The following ROBO2 variants were observed in gnomAD, a reference collection of about 807,000 sequenced individuals.
ROBO2 encodes roundabout homolog 2.
In ROBO2, 53 loss-of-function variants were observed where a neutral mutation model predicts 160.8. The ratio of observed to expected loss-of-function variants is 0.33; its 90% CI spans 0.26 to 0.41. The LOEUF (loss-of-function observed/expected upper bound fraction) is 0.41, where lower values mean the gene tolerates loss of function less well. Ranked by LOEUF, ROBO2 falls within the 10% of genes least tolerant of loss-of-function variation. ROBO2 has a pLI of 1.00. For synonymous variants in ROBO2, 664 were observed against 611.7 expected (o/e 1.09, Z -1.26); for missense variants, 1,577 against 1,722.4 (o/e 0.92, Z 1.49).
chr3:76,607,297 G>A (rs1246567598), intron 2 of ROBO2, among the ~76,000 whole-genome samples: 1 of 152,036 alleles, frequency 6.6e-6, no homozygotes, highest in East Asian at 1.9e-4. Context: ...CTGAGTATCT[G>A]GGGCTACAGG....
chr3:77,646,420 T>C (rs1245931780), exon 26 of ROBO2: 1 of 194,426 alleles, frequency 5.1e-6, no homozygotes, highest in East Asian at 1.2e-4. Flanking sequence ...TGTTGTACTA[T>C]ATGTGAATTA....
chr3:77,114,087 AGACCACGTTCT>A (rs2073961219), intron 2 of ROBO2, among the ~76,000 whole-genome samples: 1 of 152,166 alleles, frequency 6.6e-6, no homozygotes, highest in Admixed American at 6.5e-5. Context: ...GGAGTTTAAG[AGACCACGTTCT>A]GACCATTTTC....
Position 77,595,008 on chromosome 3 carries a change from T to C in ROBO2, c.2684-134T>C, listed in dbSNP as rs113122221. On this transcript the variant is annotated intron_variant, in intron 17 of 25. Coordinates refer to ENST00000461745, the Ensembl canonical transcript of ROBO2. Reference sequence around the variant, plus strand: ...CCACTGCTTGTTACTCTCTGTACAATGATGTTAATTATATTTTGTTAAAAT... The same window carrying C: ...CCACTGCTTGTTACTCTCTGTACAACGATGTTAATTATATTTTGTTAAAAT... The C allele has an allele frequency of 6.8e-3, 4,712 of 691,178 alleles. 190 individuals carry two copies. The African/African-American group carries it at 0.075, about 11-fold the overall frequency. 42.8% of individuals were successfully genotyped at this position (691,178 alleles called of 1,614,324 possible).
intron 2 of ROBO2, among the ~76,000 whole-genome samples, chr3:76,640,539 T>TAATA (rs56257359): frequency 0.16 from 22,981 of 144,332 alleles, 1,997 homozygotes; most frequent in Non-Finnish European, 0.17. Context: ...GTCTCAAAAA[T>TAATA]AATAAATAAA....
At chr3:76,375,876 A>C (rs963816617) in intron 2 of ROBO2, among the ~76,000 whole-genome samples, 1 of 152,082 alleles carries the variant, frequency 6.6e-6, no homozygotes, top group Non-Finnish European at 1.5e-5. Flanking sequence ...TTATTGATTC[A>C]TGTGCAAACA....
chr3:77,510,950 A>G (rs528697533), intron 5 of ROBO2, among the ~76,000 whole-genome samples: 1 of 152,154 alleles, frequency 6.6e-6, no homozygotes, highest in East Asian at 1.9e-4. Context: ...TAAGGCATGA[A>G]GAAGAAATAT....
chr3:76,378,615 C>T (rs892298966), intron 2 of ROBO2, among the ~76,000 whole-genome samples: 4 of 152,124 alleles, frequency 2.6e-5, no homozygotes, highest in Non-Finnish European at 4.4e-5. Context: ...TGCAGAGTAG[C>T]AAGTTTAGTA....
chr3:76,800,158 G>C (rs570702119), intron 2 of ROBO2, among the ~76,000 whole-genome samples: 1 of 152,286 alleles, frequency 6.6e-6, no homozygotes, highest in Admixed American at 6.5e-5. Context: ...TGGAAAAACT[G>C]GATATCCACA....
intron 2 of ROBO2, among the ~76,000 whole-genome samples, chr3:76,058,963 T>C (rs2067965094): frequency 6.6e-6 from 1 of 151,444 alleles, no homozygotes; most frequent in African/African-American, 2.4e-5. Context: ...CCCATGTCCC[T>C]ACAAAGGACA....
intron 2 of ROBO2, among the ~76,000 whole-genome samples, chr3:76,772,109 TG>T (rs1168780253): frequency 6.6e-6 from 1 of 151,318 alleles, no homozygotes; most frequent in Non-Finnish European, 1.5e-5. Context: ...GTTGAGGGTT[TG>T]GGACAGCAAA....
At chr3:76,093,481 G>A (rs1176774632) in intron 2 of ROBO2, among the ~76,000 whole-genome samples, 1 of 33,172 alleles carries the variant, frequency 3.0e-5, no homozygotes, top group Non-Finnish European at 5.3e-5. Context: ...TATATTATGT[G>A]TAAGATATTA....
chr3:76,170,442 T>TGG (rs2073000486), intron 2 of ROBO2, among the ~76,000 whole-genome samples: 6 of 152,202 alleles, frequency 3.9e-5, no homozygotes, highest in African/African-American at 1.4e-4. Context: ...CAAAACATAC[T>TGG]GTTGACAAGG....
chr3:76,989,663 C>T (rs570691532), intron 2 of ROBO2, among the ~76,000 whole-genome samples: 39 of 152,092 alleles, frequency 2.6e-4, no homozygotes, highest in Non-Finnish European at 4.3e-4. Context: ...AAGGTTTTCT[C>T]CTATGTGCTC....
In ROBO2 at chr3:77,453,617, T is replaced by C. The variant is rs1416829938; in HGVS notation, c.389-23797T>C. On this transcript the variant is annotated intron_variant, in intron 2 of 25. Coordinates refer to ENST00000461745, the Ensembl canonical transcript of ROBO2. ...AGCTATAATAAATCCTCTGTTAGAA[T>C]CTGTTTGATAGGAAAAAAGTATGTA... 2.0e-5 allele frequency among the ~76,000 whole-genome samples: 3 copies of C among 152,132 alleles called. No homozygotes were observed. The East Asian group carries it at 5.8e-4, about 29-fold the overall frequency.
chr3:76,070,421 A>G (rs1486225261), intron 2 of ROBO2, among the ~76,000 whole-genome samples: 1 of 152,130 alleles, frequency 6.6e-6, no homozygotes, highest in African/African-American at 2.4e-5. Context: ...CTTATTAGGA[A>G]GAGGAAATTC....
At chr3:76,381,818 C>T (rs567777405) in intron 2 of ROBO2, among the ~76,000 whole-genome samples, 3 of 152,154 alleles carry the variant, frequency 2.0e-5, no homozygotes, top group South Asian at 4.1e-4. Context: ...TTAAGTATTG[C>T]GCCTTATGTG....
chr3:77,258,216 C>G (rs546004780), intron 2 of ROBO2, among the ~76,000 whole-genome samples: 1 of 152,082 alleles, frequency 6.6e-6, no homozygotes, highest in African/African-American at 2.4e-5. Context: ...GTATAAAGTT[C>G]GAGTGAAAGT....
intron 2 of ROBO2, among the ~76,000 whole-genome samples, chr3:76,096,682 T>G (rs976672393): frequency 5.3e-5 from 8 of 152,328 alleles, no homozygotes; most frequent in African/African-American, 1.7e-4. Flanking sequence ...TGCAAAACAC[T>G]TGGTTTTACC....
intron 2 of ROBO2, among the ~76,000 whole-genome samples, chr3:77,206,019 C>T (rs747743518): frequency 2.1e-4 from 32 of 152,244 alleles, no homozygotes; most frequent in Non-Finnish European, 3.7e-4. Flanking sequence ...AAGGATCCTT[C>T]TTTGTGTCTC....
Sources: gnomAD v4.1 joint callset for allele counts (sites outside exome capture counted in the v4.1 genomes callset) on GRCh38, gnomAD v4.1.1 for gene constraint, MANE v1.5 for transcripts, NCBI Gene and HGNC (gene_info 2026-07-23, HGNC 2026-07-21) for gene names.